The following ASIC4 variants were observed in gnomAD, a reference collection of about 807,000 sequenced individuals.
ASIC4 encodes acid sensing ion channel subunit family member 4.
In ASIC4, 28 loss-of-function variants were observed where a neutral mutation model predicts 53.4. That is an observed-to-expected ratio of 0.52 (90% confidence interval 0.39 to 0.72). The LOEUF (loss-of-function observed/expected upper bound fraction) is 0.72, where lower values mean the gene tolerates loss of function less well. ASIC4 is among the 30% of genes least tolerant of loss of function. The pLI is 0.00. For missense variants in ASIC4, 649 were observed against 729.7 expected, an observed-to-expected ratio of 0.89 and a Z score of 1.27; for synonymous variants, 289 against 301.4, an observed-to-expected ratio of 0.96 and a Z score of 0.43.
chr2:219,524,176 AG>A (rs1694930607), intron 1 of ASIC4, among the ~76,000 whole-genome samples: 6 of 152,238 alleles, frequency 3.9e-5, no homozygotes, highest in Admixed American at 3.9e-4. Flanking sequence ...AAGCTCCTTG[AG>A]GGCAGAGGCT....
chr2:219,507,222 C>T, the ASIC4 span, among the ~76,000 whole-genome samples: 1 of 152,336 alleles, frequency 6.6e-6, no homozygotes, highest in Non-Finnish European at 1.5e-5. Flanking sequence ...CCCTGCCTCC[C>T]TGCCTCCCTG....
Position 219,537,947 on chromosome 2 carries a change from CCGGGGCCGAGT to C in ASIC4, c.1522_1532del (p.Arg508GlyfsTer24). On this transcript the variant is annotated frameshift_variant, in exon 10 of 10. Coordinates refer to ENST00000358078, the MANE Select transcript of ASIC4 (RefSeq NM_018674.6). LOFTEE classifies it high-confidence loss of function. The surrounding 1 kb of genome is among the most constrained non-coding windows in gnomAD (Gnocchi z 4.9). ...TTCTCCTGCAGAGTCCCTGCCCGAGCCGGGGCCGAGTGGAGGGTGGGGGGGTCAGCAGTCTG... is the reference window on the plus strand; with the variant it reads ...TTCTCCTGCAGAGTCCCTGCCCGAGCGGAGGGTGGGGGGGTCAGCAGTCTG... 1.9e-6 allele frequency: 3 copies of C among 1,610,066 alleles called. No individual in the cohort carries two copies. Among genetic ancestry groups the C allele is most frequent in the Non-Finnish European group, 2.5e-6 (3 of 1,178,242 alleles).
intron 1 of ASIC4, among the ~76,000 whole-genome samples, chr2:219,528,907 C>T (rs1694998441): frequency 6.6e-6 from 1 of 152,206 alleles, no homozygotes; most frequent in African/African-American, 2.4e-5. Flanking sequence ...GCGATAAGAG[C>T]ACAGGTCTAG....
intron 1 of ASIC4, among the ~76,000 whole-genome samples, chr2:219,524,999 A>G (rs1015379576): frequency 2.0e-5 from 3 of 152,246 alleles, no homozygotes; most frequent in Admixed American, 2.0e-4. Flanking sequence ...AGGAGGAATT[A>G]CCATTCCCCT....
At chr2:219,526,347 T>C (rs796705786) in intron 1 of ASIC4, among the ~76,000 whole-genome samples, 1 of 151,588 alleles carries the variant, frequency 6.6e-6, no homozygotes, top group Non-Finnish European at 1.5e-5. Context: ...TGGGTCAGGG[T>C]GGGGAGCCTC....
chr2:219,515,861 CTG>C (rs1694779699), intron 1 of ASIC4, among the ~76,000 whole-genome samples: 1 of 152,148 alleles, frequency 6.6e-6, no homozygotes, highest in African/African-American at 2.4e-5. Flanking sequence ...TTCTGGATCT[CTG>C]TGTGTCTCTC....
intron 5 of ASIC4, chr2:219,533,382 C>T (rs73993405): frequency 0.025 from 6,052 of 238,194 alleles, 371 homozygotes; most frequent in African/African-American, 0.12. Flanking sequence ...TTCTCCAGAC[C>T]TTTACAGCCT....
intron 1 of ASIC4, among the ~76,000 whole-genome samples, chr2:219,521,768 C>T (rs1694888831): frequency 6.6e-6 from 1 of 152,150 alleles, no homozygotes; most frequent in Admixed American, 6.5e-5. Context: ...ATTCCTTGCC[C>T]TTCCAGGCTG....
At chr2:219,524,971 C>T (rs1218677805) in intron 1 of ASIC4, among the ~76,000 whole-genome samples, 1 of 152,246 alleles carries the variant, frequency 6.6e-6, no homozygotes, top group Non-Finnish European at 1.5e-5. Flanking sequence ...ATCTCTAATC[C>T]TCTCATGTAA....
chr2:219,514,413 C>T, upstream of ASIC4: 1 of 1,549,232 alleles, frequency 6.5e-7, no homozygotes, highest in African/African-American at 1.4e-5. Flanking sequence ...CACTCGCTCG[C>T]TCGCAGGGAC....
In ASIC4 at chr2:219,538,129, CT is replaced by C; in HGVS notation, c.*84del. The C allele has an allele frequency of 8.2e-7, 1 of 1,219,372 alleles. No individual in the cohort carries two copies. Among genetic ancestry groups the C allele is most frequent in the Non-Finnish European group, 1.2e-6 (1 of 846,006 alleles). The allele number at this position is 1,219,372 out of a possible 1,614,324, so 75.5% of individuals were successfully genotyped here. A position where few individuals can be genotyped will look rare whatever the true frequency, so the allele number is the denominator to read the frequency against. ...ACATTCTCCTGCTCCTGGGAGAGGC[CT>C]GGGGGCGGTGCTCACTGGGAGGGCC... On this transcript the variant is annotated 3_prime_UTR_variant, in exon 10 of 10. Transcript: ENST00000358078.
Position 219,538,105 on chromosome 2 carries a change from C to T in ASIC4, c.*59C>T. 2.2e-6 allele frequency: 3 copies of T among 1,395,300 alleles called. No individual in the cohort carries two copies. The highest frequency in any genetic ancestry group is 1.9e-5 in the Admixed American group (1 of 51,754). The allele number at this position is 1,395,300 out of a possible 1,614,324, so 86.4% of individuals were successfully genotyped here. A position where few individuals can be genotyped will look rare whatever the true frequency, so the allele number is the denominator to read the frequency against. On this transcript the variant is annotated 3_prime_UTR_variant, in exon 10 of 10. Transcript: ENST00000358078. ...GGGACCCCTCCTGGGATCCCCAGCA[C>T]ATTCTCCTGCTCCTGGGAGAGGCCT...
intron 1 of ASIC4, 61 bp downstream of exon 1, chr2:219,515,367 A>T: frequency 7.7e-6 from 12 of 1,549,268 alleles, no homozygotes; most frequent in Non-Finnish European, 1.0e-5. Context: ...AGTGGGGAGG[A>T]GTGGTGGCAG....
chr2:219,538,173 C>T lies in ASIC4; in HGVS notation c.*127C>T, dbSNP rs962476713. Reference sequence around the variant, plus strand: ...GGAGGGCCAGGACTCAGTTCCTGCTCTCATCCTCCCCTGCCCTGATGTCAG... The same window carrying T: ...GGAGGGCCAGGACTCAGTTCCTGCTTTCATCCTCCCCTGCCCTGATGTCAG... On this transcript the variant is annotated 3_prime_UTR_variant, in exon 10 of 10. Transcript: ENST00000358078. 1.3e-6 allele frequency: 1 copy of T among 781,768 alleles called. No individual in the cohort carries two copies. The highest frequency in any genetic ancestry group is 1.7e-5 in the African/African-American group (1 of 58,220). The allele number at this position is 781,768 out of a possible 1,614,324, so 48.4% of individuals were successfully genotyped here.
At position 219,532,006 on chromosome 2, in the gene ASIC4, A is replaced by C; in HGVS notation, c.733A>C (p.Thr245Pro). 1 of 1,614,162 alleles carries C rather than the reference A, an allele frequency of 6.2e-7. No individual in the cohort carries two copies. The highest frequency in any genetic ancestry group is 8.5e-7 in the Non-Finnish European group (1 of 1,180,014). The change falls in exon 3 of 10, where the codon ACG (threonine) becomes CCG (proline). Residue 245 changes from threonine (T) to proline (P), a missense_variant. Transcript: ENST00000358078. ...TCCCCATCTCTGCTGTGCAGATGAGACGTCGTTTGAGGCAGGTATTCGGGT... is the reference window on the plus strand; with the variant it reads ...TCCCCATCTCTGCTGTGCAGATGAGCCGTCGTTTGAGGCAGGTATTCGGGT... ...YLPIWRETNE[T>P]SFEAGIRVQI...
At chr2:219,535,418 AGT>A (rs1321486257) in intron 6 of ASIC4, 94 bp downstream of exon 6, 20 of 1,346,628 alleles carry the variant, frequency 1.5e-5, no homozygotes, top group Non-Finnish European at 2.0e-5. Context: ...CGTGTGTGTG[AGT>A]GTATGTGTGT....
At chr2:219,514,434 G>GCTGA, upstream of ASIC4, 1 of 1,549,590 alleles carries the variant, frequency 6.5e-7, no homozygotes, top group Non-Finnish European at 8.7e-7. Context: ...ACACGCAGGG[G>GCTGA]CTGACAGCTG....
upstream of ASIC4, chr2:219,514,133 C>T (rs1694736866): frequency 4.6e-5 from 28 of 604,208 alleles, no homozygotes; most frequent in Middle Eastern, 4.4e-4. Flanking sequence ...GGCACGGCAC[C>T]CTTCCCTGGG....
chr2:219,535,376 G>A (rs751809155), intron 6 of ASIC4, 52 bp downstream of exon 6: 2 of 1,508,164 alleles, frequency 1.3e-6, no homozygotes, highest in Non-Finnish European at 1.8e-6. Flanking sequence ...GTGTACGTGT[G>A]TGTGGGGGGT....
Sources: gnomAD v4.1 joint callset for allele counts (sites outside exome capture counted in the v4.1 genomes callset) on GRCh38, gnomAD v4.1.1 for gene constraint, Gnocchi (gnomAD v3.1) non-coding constraint, MANE v1.5 for transcripts, NCBI Gene and HGNC (gene_info 2026-07-23, HGNC 2026-07-21) for gene names.